Variants in LRP5 observed in about 807,000 individuals in gnomAD.
LRP5 encodes LDL receptor related protein 5, also known as low-density lipoprotein receptor-related protein 5.
Under a neutral mutation model 154.1 loss-of-function variants are expected in LRP5, and 62 were observed. The observed-to-expected ratio is 0.40, with a 90% CI of 0.33 to 0.50. The LOEUF (loss-of-function observed/expected upper bound fraction) is 0.50. Among genes scored for constraint, LRP5 ranks in the 20% least tolerant of loss-of-function variants. LRP5 has a pLI of 0.55. For synonymous variants in LRP5, 966 were observed against 1,011.5 expected, an observed-to-expected ratio of 0.96 and a Z score of 0.85; for missense variants, 1,915 against 2,336.7, an observed-to-expected ratio of 0.82 and a Z score of 3.72.
intron 5 of LRP5, among the ~76,000 whole-genome samples, chr11:68,385,732 C>T (rs899523309): frequency 2.6e-5 from 4 of 151,932 alleles, no homozygotes; most frequent in Admixed American, 2.0e-4. Flanking sequence ...GCAAAGAGGG[C>T]GATTCACTTG....
intron 16 of LRP5, among the ~76,000 whole-genome samples, chr11:68,427,945 A>C (rs191714389): frequency 1.3e-5 from 1 of 79,592 alleles, no homozygotes; most frequent in Non-Finnish European, 2.5e-5. Context: ...TCCATTTGCT[A>C]TTTTATTTTA....
At chr11:68,400,350 A>G (rs1356622129) in intron 7 of LRP5, among the ~76,000 whole-genome samples, 1 of 152,122 alleles carries the variant, frequency 6.6e-6, no homozygotes, top group African/African-American at 2.4e-5. Flanking sequence ...TCAGTTCAAC[A>G]TGTCTGGAAG....
At position 68,353,892 on chromosome 11, in the gene LRP5, C is replaced by T. The variant is rs1034672917; in HGVS notation, c.489-3758C>T. 6.6e-6 allele frequency among the ~76,000 whole-genome samples: 1 copy of T among 152,182 alleles called. No individual in the cohort carries two copies. Among genetic ancestry groups the T allele is most frequent in the Non-Finnish European group, 1.5e-5 (1 of 68,016 alleles). The stretch of plus-strand genomic sequence containing the variant: ...TTTCAGCAATGCAGGTGGCCCCGTG[C>T]GGACATCCAGGCAGGGTTGAGGGAA... On this transcript the variant is annotated intron_variant, in intron 2 of 22. Coordinates refer to ENST00000294304, the MANE Select transcript of LRP5 (RefSeq NM_002335.4). The surrounding 1 kb of genome is among the most constrained non-coding windows in gnomAD (Gnocchi z 4.5).
intron 18 of LRP5, among the ~76,000 whole-genome samples, chr11:68,436,319 C>A (rs2098674882): frequency 6.6e-6 from 1 of 152,114 alleles, no homozygotes; most frequent in East Asian, 1.9e-4. Flanking sequence ...GCTATGGCTC[C>A]CTCTGGGTGG....
In LRP5 at chr11:68,447,475, G is replaced by A. The variant is rs1429248603; in HGVS notation, c.4586+942G>A. On this transcript the variant is annotated intron_variant, in intron 22 of 22. Transcript: ENST00000294304. The surrounding 1 kb of genome is among the most constrained non-coding windows in gnomAD (Gnocchi z 4.3). The stretch of plus-strand genomic sequence containing the variant: ...CTCCATTTCCACCCCACTCCGGGTC[G>A]GGCCACCTCCCTGATGCCTCAGTAT... 2.6e-5 allele frequency among the ~76,000 whole-genome samples: 4 copies of A among 152,166 alleles called. No homozygotes were observed. The highest frequency in any genetic ancestry group is 3.9e-4 in the East Asian group (2 of 5,184).
intron 9 of LRP5, among the ~76,000 whole-genome samples, chr11:68,408,269 G>T (rs7102514): frequency 1 from 121,614 of 121,948 alleles, 60,640 homozygotes; most frequent in Middle Eastern, 1. Context: ...TTTTTTTTTG[G>T]GGAGACAGGG....
intron 1 of LRP5, among the ~76,000 whole-genome samples, chr11:68,316,710 C>A (rs2098593614): frequency 6.6e-6 from 1 of 152,250 alleles, no homozygotes; most frequent in African/African-American, 2.4e-5. Context: ...ATGCCTCCTG[C>A]ATCCTGGTGG....
At chr11:68,379,918 G>C (rs1426854219) in intron 5 of LRP5, among the ~76,000 whole-genome samples, 1 of 152,184 alleles carries the variant, frequency 6.6e-6, no homozygotes, top group Non-Finnish European at 1.5e-5. Context: ...GATCACCTGA[G>C]GTCAGGAGTT....
In LRP5 at chr11:68,344,030, AGCTGCCTTCCCCC is replaced by A. The variant is rs1565331733; in HGVS notation, c.92-3814_92-3802del. On this transcript the variant is annotated intron_variant, in intron 1 of 22. Transcript: ENST00000294304. ...GACCTCTCAGCTGGTGTTCCAGAGCAGCTGCCTTCCCCCGCCCGAGGGACTTCACCCGCAGCCC... is the reference window on the plus strand; with the variant it reads ...GACCTCTCAGCTGGTGTTCCAGAGCAGCCCGAGGGACTTCACCCGCAGCCC... 1.3e-4 allele frequency among the ~76,000 whole-genome samples: 20 copies of A among 152,138 alleles called. No individual in the cohort carries two copies. The East Asian group carries it at 3.9e-3, about 30-fold the overall frequency.
intron 7 of LRP5, 149 bp downstream of exon 7, chr11:68,390,201 T>C: frequency 2.0e-6 from 2 of 1,002,028 alleles, no homozygotes; most frequent in Non-Finnish European, 1.5e-6. Flanking sequence ...CAATACTTTC[T>C]GACAAAAACG....
chr11:68,440,078 T>C, intron 21 of LRP5, 162 bp downstream of exon 21: 1 of 640,792 alleles, frequency 1.6e-6, no homozygotes, highest in East Asian at 2.8e-5. Flanking sequence ...CTTCCTTCTT[T>C]AATGACATTG....
intron 1 of LRP5, among the ~76,000 whole-genome samples, chr11:68,347,097 T>C (rs888759169): frequency 6.6e-6 from 1 of 151,778 alleles, no homozygotes; most frequent in Non-Finnish European, 1.5e-5. Context: ...TGGAGAGAAG[T>C]GTAGGTGAGG....
chr11:68,401,463 G>A (rs1008211614), intron 7 of LRP5, among the ~76,000 whole-genome samples: 4 of 152,182 alleles, frequency 2.6e-5, no homozygotes, highest in African/African-American at 7.2e-5. Flanking sequence ...TGGGCTATCC[G>A]ATTCTGACTT....
chr11:68,316,193 T>C (rs891126232), intron 1 of LRP5, among the ~76,000 whole-genome samples: 1 of 152,134 alleles, frequency 6.6e-6, no homozygotes, highest in African/African-American at 2.4e-5. Flanking sequence ...AATCTTACAA[T>C]GCGTCTTCGT....
the LRP5 span, among the ~76,000 whole-genome samples, chr11:68,305,526 T>A: frequency 1.3e-5 from 2 of 152,140 alleles, no homozygotes; most frequent in Non-Finnish European, 2.9e-5. Flanking sequence ...CACTACAACC[T>A]CCTCCTCCCG....
intron 4 of LRP5, 123 bp from the exon 5 acceptor site, chr11:68,365,448 C>A: frequency 6.9e-7 from 1 of 1,445,768 alleles, no homozygotes; most frequent in Non-Finnish European, 9.6e-7. Flanking sequence ...CACTTGAGGC[C>A]GATGTTTGGG....
intron 5 of LRP5, among the ~76,000 whole-genome samples, chr11:68,370,760 T>C (rs1410470697): frequency 6.6e-6 from 1 of 152,190 alleles, no homozygotes; most frequent in African/African-American, 2.4e-5. Context: ...ACATTTTGTG[T>C]CATTTATAGG....
chr11:68,433,946 G>T, intron 18 of LRP5, 108 bp downstream of exon 18: 1 of 1,087,046 alleles, frequency 9.2e-7, no homozygotes, highest in Non-Finnish European at 1.4e-6. Context: ...GAAAACCTTT[G>T]CTTGCAGGGA....
At chr11:68,428,377 A>G (rs117502577) in intron 16 of LRP5, among the ~76,000 whole-genome samples, 2,391 of 152,280 alleles carry the variant, frequency 0.016, 20 homozygotes, top group African/African-American at 0.031. Flanking sequence ...GCTTAAAGCA[A>G]CAGAAATGGA....
Sources: gnomAD v4.1 joint callset for allele counts (sites outside exome capture counted in the v4.1 genomes callset) on GRCh38, gnomAD v4.1.1 for gene constraint, Gnocchi (gnomAD v3.1) non-coding constraint, MANE v1.5 for transcripts, NCBI Gene and HGNC (gene_info 2026-07-23, HGNC 2026-07-21) for gene names.